ZNF469: variants seen among roughly 807,000 people sequenced by gnomAD.
The protein encoded by ZNF469 is zinc finger protein 469.
In ZNF469, 1 loss-of-function variant was observed where a neutral mutation model predicts 1.0. The observed-to-expected ratio is 1.00, with a 90% CI of 0.35 to 4.73. ZNF469 has a LOEUF of 4.73. ZNF469 is among the 30% of genes most tolerant of loss of function. The pLI is 0.16. For synonymous variants in ZNF469, 2,703 were observed against 2,363.4 expected (o/e 1.14, Z -4.17); for missense variants, 6,100 against 5,356.3 (o/e 1.14, Z -4.33).
the ZNF469 span, among the ~76,000 whole-genome samples, chr16:88,112,299 A>C: frequency 1.3e-5 from 2 of 152,200 alleles, no homozygotes; most frequent in Non-Finnish European, 2.9e-5. Context: ...GGTCTATACC[A>C]AGCAGTGGTA....
At chr16:88,422,635 GGGTGAGT>G (rs1905516886) in intron 1 of ZNF469, among the ~76,000 whole-genome samples, 1 of 150,480 alleles carries the variant, frequency 6.6e-6, no homozygotes, top group Non-Finnish European at 1.5e-5. Flanking sequence ...ATGGATGGGT[GGGTGAGT>G]GATGGATGAG....
chr16:88,430,319 A>C lies in ZNF469; in HGVS notation c.2849A>C (p.Gln950Pro). ...SQGRQQRRGK[Q>P]LKLFRKDLDS... ...GGCAGGCAGCAGAGGAGGGGGAAGC[A>C]GTTGAAGCTGTTCCGGAAGGATCTG... Residue 950 changes from glutamine to proline, a missense_variant, in exon 3 of 3, where the codon CAG (glutamine) becomes CCG (proline). By Grantham distance (76) the Gln-to-Pro change is moderately conservative. Transcript: ENST00000565624. The C allele has an allele frequency of 6.6e-7, 1 of 1,515,300 alleles. No individual in the cohort carries two copies. The highest frequency in any genetic ancestry group is 8.8e-7 in the Non-Finnish European group (1 of 1,135,374). 93.9% of individuals were successfully genotyped at this position (1,515,300 alleles called of 1,614,324 possible).
At chr16:88,365,499 G>A in the ZNF469 span, among the ~76,000 whole-genome samples, 1 of 152,372 alleles carries the variant, frequency 6.6e-6, no homozygotes, top group Non-Finnish European at 1.5e-5. Context: ...CATGAGGCTA[G>A]CATGGGGGAG....
At chr16:88,217,493 A>G in the ZNF469 span, among the ~76,000 whole-genome samples, 1,299 of 150,716 alleles carry the variant, frequency 8.6e-3, 27 homozygotes, top group African/African-American at 0.029. Flanking sequence ...CACATTGTGC[A>G]GGTTAGTTAC....
chr16:88,302,784 G>GGTGTCTACCCT, the ZNF469 span, among the ~76,000 whole-genome samples: 1 of 152,178 alleles, frequency 6.6e-6, no homozygotes, highest in Non-Finnish European at 1.5e-5. Flanking sequence ...AGGAACCTCA[G>GGTGTCTACCCT]GTGTCTACCC....
At chr16:88,240,850 C>T in the ZNF469 span, among the ~76,000 whole-genome samples, 43 of 152,266 alleles carry the variant, frequency 2.8e-4, no homozygotes, top group East Asian at 5.8e-4. Context: ...CCCCAGCTGA[C>T]GCCAGGGACC....
At chr16:88,306,746 T>C in the ZNF469 span, among the ~76,000 whole-genome samples, 1 of 152,214 alleles carries the variant, frequency 6.6e-6, no homozygotes, top group Non-Finnish European at 1.5e-5. Flanking sequence ...TGAGCTTTGA[T>C]GGACAGGCTC....
At chr16:88,221,239 G>A in the ZNF469 span, among the ~76,000 whole-genome samples, 1 of 152,232 alleles carries the variant, frequency 6.6e-6, no homozygotes, top group Non-Finnish European at 1.5e-5. Context: ...GCCGCAGAAT[G>A]TCATCTCCTG....
the ZNF469 span, among the ~76,000 whole-genome samples, chr16:88,347,701 C>A: frequency 2.6e-5 from 4 of 152,234 alleles, no homozygotes; most frequent in Admixed American, 2.0e-4. Context: ...CAGTGAAGAA[C>A]CTGCACCTCA....
At chr16:88,392,924 G>A (rs1488673882) in intron 1 of ZNF469, among the ~76,000 whole-genome samples, 1 of 152,238 alleles carries the variant, frequency 6.6e-6, no homozygotes, top group Non-Finnish European at 1.5e-5. Context: ...CCAAGTCCCT[G>A]AAGCACTGAC....
In ZNF469 at chr16:88,436,641, C is replaced by T. The variant is rs1181683057; in HGVS notation, c.9171C>T (p.Asp3057=). 1.3e-6 allele frequency: 2 copies of T among 1,550,400 alleles called. No individual in the cohort carries two copies. The highest frequency in any genetic ancestry group is 1.7e-6 in the Non-Finnish European group (2 of 1,146,972). The change falls in exon 3 of 3, where the codon GAC becomes GAT. Residue 3057 remains aspartate, a synonymous_variant. Coordinates refer to ENST00000565624, the MANE Select transcript of ZNF469 (RefSeq NM_001367624.2). The part of the protein sequence containing the change: ...EVLSTKFEMQ[D]LCFLGPFEDP... Reference sequence around the variant, plus strand: ...TCAGCACCAAGTTTGAGATGCAAGACCTGTGCTTTCTGGGACCCTTTGAAG... The same window carrying T: ...TCAGCACCAAGTTTGAGATGCAAGATCTGTGCTTTCTGGGACCCTTTGAAG...
the ZNF469 span, among the ~76,000 whole-genome samples, chr16:88,123,407 G>A: frequency 2.6e-5 from 4 of 152,264 alleles, no homozygotes; most frequent in East Asian, 1.9e-4. Context: ...TGCACCTGTC[G>A]ATGAAGATTT....
chr16:88,383,746 C>T (rs1010865752), intron 1 of ZNF469, among the ~76,000 whole-genome samples: 2 of 151,892 alleles, frequency 1.3e-5, no homozygotes. Flanking sequence ...CGCGGCGCTC[C>T]GAGCGCGGCA....
the ZNF469 span, among the ~76,000 whole-genome samples, chr16:88,169,461 C>T: frequency 5.9e-5 from 9 of 152,264 alleles, no homozygotes; most frequent in South Asian, 6.2e-4. The surrounding 1 kb of genome is among the most constrained non-coding windows in gnomAD (Gnocchi z 6.1). Context: ...TGTTCCAGAA[C>T]GTCATCGAGG....
the ZNF469 span, among the ~76,000 whole-genome samples, chr16:88,337,713 G>A: frequency 1.7e-4 from 26 of 152,320 alleles, 1 homozygote; most frequent in Middle Eastern, 3.4e-3. Flanking sequence ...CCCCACGGGC[G>A]TCAGGGGCAG....
chr16:88,393,543 G>A (rs1904548186), intron 1 of ZNF469, among the ~76,000 whole-genome samples: 1 of 152,254 alleles, frequency 6.6e-6, no homozygotes, highest in Non-Finnish European at 1.5e-5. Context: ...CCCAGGGTGG[G>A]CAGAGCCCAG....
chr16:88,136,136 G>A, the ZNF469 span, among the ~76,000 whole-genome samples: 75 of 152,174 alleles, frequency 4.9e-4, 1 homozygote, highest in Admixed American at 1.3e-4. Context: ...ACCTATGAAC[G>A]TGCAGCTGGA....
intron 1 of ZNF469, among the ~76,000 whole-genome samples, chr16:88,393,892 C>G (rs1239594545): frequency 6.6e-6 from 1 of 152,226 alleles, no homozygotes; most frequent in African/African-American, 2.4e-5. Flanking sequence ...ATCGGGGACC[C>G]CAAAGGGCGA....
chr16:88,316,730 A>G, the ZNF469 span, among the ~76,000 whole-genome samples: 4 of 151,656 alleles, frequency 2.6e-5, no homozygotes, highest in East Asian at 7.8e-4. Context: ...TGTTTTTAGT[A>G]CAGACAGGGT....
Sources: allele counts gnomAD v4.1 joint callset (sites outside exome capture counted in the v4.1 genomes callset), GRCh38; gene constraint gnomAD v4.1.1; non-coding constraint Gnocchi (gnomAD v3.1); transcripts MANE v1.5; gene names NCBI Gene and HGNC (gene_info 2026-07-23, HGNC 2026-07-21).